The following STUM variants were observed in gnomAD, a reference collection of about 807,000 sequenced individuals.
STUM encodes protein stum homolog.
In STUM, 8 loss-of-function variants were observed where a neutral mutation model predicts 15.3. That is an observed-to-expected ratio of 0.52 (90% CI 0.31 to 0.94). The LOEUF is 0.94. Among genes scored for constraint, STUM ranks in the 40% least tolerant of loss-of-function variants. The probability of loss-of-function intolerance (pLI) is 0.05; values close to 1 mark genes in which losing one functional copy is unlikely to be tolerated. For synonymous variants in STUM, 78 were observed against 88.7 expected, an observed-to-expected ratio of 0.88 and a Z score of 0.68; for missense variants, 142 against 204.9, an observed-to-expected ratio of 0.69 and a Z score of 1.87.
At chr1:226,598,077 C>T (rs1011328501) in intron 2 of STUM, among the ~76,000 whole-genome samples, 5 of 152,228 alleles carry the variant, frequency 3.3e-5, no homozygotes, top group Non-Finnish European at 1.5e-5. Context: ...CAGGCAGGCC[C>T]TTGCATCTCC....
intron 1 of STUM, among the ~76,000 whole-genome samples, chr1:226,555,883 A>G (rs1667437960): frequency 6.6e-6 from 1 of 152,272 alleles, no homozygotes; most frequent in Middle Eastern, 3.2e-3. Flanking sequence ...TTTCTAGTAC[A>G]TACCTATATC....
chr1:226,567,533 C>T lies in STUM; in HGVS notation c.202+18427C>T, dbSNP rs999143828. Reference sequence around the variant, plus strand: ...GATGGCCCTAAACAGCATCATTTTTCTCAGTGATGCCAGACATTTGTTATG... The same window carrying T: ...GATGGCCCTAAACAGCATCATTTTTTTCAGTGATGCCAGACATTTGTTATG... On this transcript the variant is annotated intron_variant, in intron 1 of 3. Transcript: ENST00000366788. This position sits in a 1 kb window ranked among gnomAD's most constrained non-coding sequence, Gnocchi z 4.5. 6.6e-6 allele frequency among the ~76,000 whole-genome samples: 1 copy of T among 152,188 alleles called. No individual in the cohort carries two copies. The highest frequency in any genetic ancestry group is 2.4e-5 in the African/African-American group (1 of 41,446).
At chr1:226,591,572 G>A (rs907249802) in intron 1 of STUM, among the ~76,000 whole-genome samples, 8 of 151,924 alleles carry the variant, frequency 5.3e-5, no homozygotes, top group Non-Finnish European at 8.8e-5. Context: ...GGCCTTCCCC[G>A]CTCCACCAAG....
chr1:226,593,147 C>G (rs1488972279), intron 1 of STUM, among the ~76,000 whole-genome samples: 1 of 146,464 alleles, frequency 6.8e-6, no homozygotes, highest in African/African-American at 2.6e-5. Flanking sequence ...GATCACACCA[C>G]TGCACCCCAG....
chr1:226,605,697 T>G lies in STUM; in HGVS notation c.*3657T>G, dbSNP rs1668345276. On this transcript the variant is annotated 3_prime_UTR_variant, in exon 4 of 4. Transcript: ENST00000366788. The surrounding 1 kb of genome is among the most constrained non-coding windows in gnomAD (Gnocchi z 4.0). Reference sequence around the variant, plus strand: ...GAGACCTGTCATCACTTAGGGGGAGTTGGGCAAAACCTCCTAGGAAGGTCC... The same window carrying G: ...GAGACCTGTCATCACTTAGGGGGAGGTGGGCAAAACCTCCTAGGAAGGTCC... 6.6e-6 allele frequency: 1 copy of G among 151,840 alleles called. No homozygotes were observed. Among genetic ancestry groups the G allele is most frequent in the South Asian group, 2.1e-4 (1 of 4,800 alleles). 9.4% of individuals were successfully genotyped at this position (151,840 alleles called of 1,614,324 possible).
rs697838 is a variant in STUM, at chr1:226,603,643, G to A, written c.*1603G>A. ...GGAAGTAGTGGCCACCGTTCTGGGGGTTTCAGCCCACCTACCCCATCCACC... is the reference window on the plus strand; with the variant it reads ...GGAAGTAGTGGCCACCGTTCTGGGGATTTCAGCCCACCTACCCCATCCACC... On this transcript the variant is annotated 3_prime_UTR_variant, in exon 4 of 4. Coordinates refer to ENST00000366788, the MANE Select transcript of STUM (RefSeq NM_001003665.4). 96 of 152,354 alleles carry A rather than the reference G, an allele frequency of 6.3e-4. 1 individual carries two copies. Among genetic ancestry groups the A allele is most frequent in the Middle Eastern group, 3.4e-3 (1 of 294 alleles). 9.4% of individuals were successfully genotyped at this position (152,354 alleles called of 1,614,324 possible). A position where few individuals can be genotyped will look rare whatever the true frequency, so the allele number is the denominator to read the frequency against.
chr1:226,561,197 C>A (rs1341976396), intron 1 of STUM, among the ~76,000 whole-genome samples: 2 of 152,154 alleles, frequency 1.3e-5, no homozygotes, highest in Non-Finnish European at 2.9e-5. Context: ...TATGGGAAAT[C>A]GTCTCCTTGA....
intron 1 of STUM, among the ~76,000 whole-genome samples, chr1:226,590,309 C>A (rs1431800271): frequency 6.6e-6 from 1 of 152,162 alleles, no homozygotes; most frequent in Non-Finnish European, 1.5e-5. Flanking sequence ...CTGAGCCCTG[C>A]CATTCTCCCG....
chr1:226,548,955 G>A lies in STUM; in HGVS notation c.51G>A (p.Val17=). ...DAETAAAAAA[V]AAADPRGASS... Reference sequence around the variant, plus strand: ...AGACGGCGGCGGCGGCGGCGGCGGTGGCGGCGGCGGACCCCCGGGGGGCGT... The same window carrying A: ...AGACGGCGGCGGCGGCGGCGGCGGTAGCGGCGGCGGACCCCCGGGGGGCGT... Residue 17 remains valine, a synonymous_variant, in exon 1 of 4, where the codon GTG becomes GTA. Coordinates refer to ENST00000366788, the MANE Select transcript of STUM (RefSeq NM_001003665.4). 4.1e-6 allele frequency: 6 copies of A among 1,468,880 alleles called. No individual in the cohort carries two copies. The highest frequency in any genetic ancestry group is 5.4e-6 in the Non-Finnish European group (6 of 1,114,770). The allele number at this position is 1,468,880 out of a possible 1,614,324, so 91.0% of individuals were successfully genotyped here.
chr1:226,577,413 G>A (rs1667834858), intron 1 of STUM, among the ~76,000 whole-genome samples: 1 of 152,132 alleles, frequency 6.6e-6, no homozygotes, highest in East Asian at 1.9e-4. Context: ...AGAAGACCAG[G>A]AATGAAGCCT....
At chr1:226,590,861 C>T (rs550720680) in intron 1 of STUM, among the ~76,000 whole-genome samples, 1 of 152,208 alleles carries the variant, frequency 6.6e-6, no homozygotes, top group Non-Finnish European at 1.5e-5. Flanking sequence ...GCTCCATCGC[C>T]TGCTCTCCTG....
At chr1:226,581,896 A>G (rs572336737) in intron 1 of STUM, among the ~76,000 whole-genome samples, 11 of 152,294 alleles carry the variant, frequency 7.2e-5, no homozygotes, top group Middle Eastern at 3.4e-3. Context: ...GCACCCATCC[A>G]CTGTGGAGTG....
intron 1 of STUM, among the ~76,000 whole-genome samples, chr1:226,595,567 T>C (rs2102710929): frequency 6.6e-6 from 1 of 152,346 alleles, no homozygotes. Context: ...TCCCCAAACC[T>C]GTGAATATGC....
At chr1:226,571,660 A>G (rs1428854846) in intron 1 of STUM, among the ~76,000 whole-genome samples, 2 of 147,740 alleles carry the variant, frequency 1.4e-5, no homozygotes, top group African/African-American at 5.0e-5. Flanking sequence ...TTTTTTTGAG[A>G]TGGAGTTTCA....
rs1668253279 is a variant in STUM, at chr1:226,600,959, T to C, written c.391+285T>C. On this transcript the variant is annotated intron_variant, in intron 3 of 3. Coordinates refer to ENST00000366788, the MANE Select transcript of STUM (RefSeq NM_001003665.4). The surrounding 1 kb of genome is among the most constrained non-coding windows in gnomAD (Gnocchi z 5.2). ...CACATCTCCCCTACCCCAGCATGGG[T>C]TATTAGCACCCAAAATTGAGAAATA... 6.6e-6 allele frequency among the ~76,000 whole-genome samples: 1 copy of C among 152,138 alleles called. No individual in the cohort carries two copies. Among genetic ancestry groups the C allele is most frequent in the Non-Finnish European group, 1.5e-5 (1 of 68,036 alleles).
In STUM at chr1:226,591,125, A is replaced by G. The variant is rs368678656; in HGVS notation, c.203-5677A>G. On this transcript the variant is annotated intron_variant, in intron 1 of 3. Coordinates refer to ENST00000366788, the MANE Select transcript of STUM (RefSeq NM_001003665.4). ...AAAACAATTAACACCTCTTCGTAGG[A>G]AAATGTGCTAAAACCATTTTTTAAA... is the stretch of plus-strand genomic sequence containing the variant. Among the ~76,000 whole-genome samples the G allele has an allele frequency of 9.2e-5, 14 of 152,350 alleles. No individual in the cohort carries two copies. In the East Asian group the frequency reaches 2.5e-3, roughly 27 times the overall value.
At chr1:226,572,873 CT>C (rs769211740) in intron 1 of STUM, among the ~76,000 whole-genome samples, 8 of 152,184 alleles carry the variant, frequency 5.3e-5, no homozygotes, top group African/African-American at 9.7e-5. Context: ...CAGTCCAAGC[CT>C]CTCATTTTAC....
At chr1:226,583,670 C>T (rs941376570) in intron 1 of STUM, among the ~76,000 whole-genome samples, 3 of 152,122 alleles carry the variant, frequency 2.0e-5, no homozygotes, top group Non-Finnish European at 4.4e-5. Context: ...CCCTAGAGTC[C>T]TCCTCTCTGT....
At chr1:226,561,461 G>A (rs970645956) in intron 1 of STUM, among the ~76,000 whole-genome samples, 1 of 152,122 alleles carries the variant, frequency 6.6e-6, no homozygotes, top group Admixed American at 6.5e-5. Flanking sequence ...TTGTCCTGCA[G>A]CGTGTGTGTC....
Sources: gnomAD v4.1 joint callset for allele counts (sites outside exome capture counted in the v4.1 genomes callset) on GRCh38, gnomAD v4.1.1 for gene constraint, Gnocchi (gnomAD v3.1) non-coding constraint, MANE v1.5 for transcripts, NCBI Gene and HGNC (gene_info 2026-07-23, HGNC 2026-07-21) for gene names.